The following RASGRF2 variants were observed in gnomAD, a reference collection of about 807,000 sequenced individuals.
The protein encoded by RASGRF2 is ras-specific guanine nucleotide-releasing factor 2.
A neutral mutation model predicts 151.0 loss-of-function variants in RASGRF2; 76 were observed. The ratio of observed to expected loss-of-function variants is 0.50; its 90% CI spans 0.42 to 0.61. RASGRF2 has a LOEUF of 0.61. Ranked by LOEUF, RASGRF2 falls within the 20% of genes least tolerant of loss-of-function variation. RASGRF2 has a pLI of 0.00. For missense variants in RASGRF2, 1,148 were observed against 1,564.6 expected (o/e 0.73, Z 4.49); for synonymous variants, 504 against 566.5 (o/e 0.89, Z 1.57).
intron 12 of RASGRF2, among the ~76,000 whole-genome samples, chr5:81,104,844 T>C (rs949180231): frequency 2.0e-5 from 3 of 152,144 alleles, no homozygotes; most frequent in Admixed American, 2.0e-4. Context: ...CTTCTTATGT[T>C]GGGAACAGGA....
chr5:81,127,923 CAAAAAAAAAAAAAAAA>C (rs60196392), intron 17 of RASGRF2, among the ~76,000 whole-genome samples: 1 of 64,882 alleles, frequency 1.5e-5, no homozygotes, highest in South Asian at 5.6e-4. Context: ...GACTCCGTCT[CAAAAAAAAAAAAAAAA>C]AAAAAAAAGA....
At position 81,076,736 on chromosome 5, in the gene RASGRF2, C is replaced by T. The variant is rs2607167; in HGVS notation, c.887+3284C>T. 3.4e-5 allele frequency among the ~76,000 whole-genome samples: 5 copies of T among 145,268 alleles called. No individual in the cohort carries two copies. The East Asian group carries it at 8.1e-4, about 24-fold the overall frequency. On this transcript the variant is annotated intron_variant, in intron 5 of 26. Transcript: ENST00000265080. ...GGCAGATGGGAGGGAAGTGTCGGAG[C>T]TGGAGAAGAGAGAAAGAGGTGTGGA...
At chr5:81,056,531 G>A (rs1287832946) in intron 2 of RASGRF2, among the ~76,000 whole-genome samples, 1 of 152,190 alleles carries the variant, frequency 6.6e-6, no homozygotes, top group Non-Finnish European at 1.5e-5. Context: ...ATTTGCTGAG[G>A]AGTGCTTTAC....
At chr5:81,200,838 A>G (rs1755371393) in intron 18 of RASGRF2, among the ~76,000 whole-genome samples, 1 of 152,170 alleles carries the variant, frequency 6.6e-6, no homozygotes, top group Admixed American at 6.5e-5. Flanking sequence ...GAATAGAAAT[A>G]CATGTATGGA....
At chr5:81,109,675 T>A (rs1752944135) in intron 13 of RASGRF2, among the ~76,000 whole-genome samples, 1 of 152,050 alleles carries the variant, frequency 6.6e-6, no homozygotes, top group African/African-American at 2.4e-5. Flanking sequence ...AAAAAAAAAA[T>A]ACCAACGAAG....
intron 1 of RASGRF2, among the ~76,000 whole-genome samples, chr5:80,992,462 G>C (rs138989940): frequency 6.6e-6 from 1 of 152,238 alleles, no homozygotes; most frequent in African/African-American, 2.4e-5. Context: ...GGTTAATAAA[G>C]TGAAAAATGA....
intron 1 of RASGRF2, among the ~76,000 whole-genome samples, chr5:80,981,219 C>A (rs1748288553): frequency 6.6e-6 from 1 of 151,996 alleles, no homozygotes; most frequent in South Asian, 2.1e-4. Flanking sequence ...TAATTGATAC[C>A]ACAGCACGGG....
rs372012424 is a variant in RASGRF2, at chr5:81,139,463, C to T, written c.2686+12300C>T. ...GTCACCTCCACCTCCCGGATTCAAG[C>T]GATTTGCCCACCTCAGTCTTCCAGA... On this transcript the variant is annotated intron_variant, in intron 17 of 26. Coordinates refer to ENST00000265080, the MANE Select transcript of RASGRF2 (RefSeq NM_006909.3). Among the ~76,000 whole-genome samples the T allele has an allele frequency of 2.0e-3, 296 of 147,688 alleles. 1 individual carries two copies. The highest frequency in any genetic ancestry group is 3.7e-3 in the Non-Finnish European group (252 of 67,402).
intron 26 of RASGRF2, among the ~76,000 whole-genome samples, chr5:81,223,158 T>A (rs1393514435): frequency 6.6e-6 from 1 of 152,238 alleles, no homozygotes. Flanking sequence ...TGTCCTCAAA[T>A]TAATCTATAA....
chr5:81,193,070 C>T (rs1348796975), intron 18 of RASGRF2, among the ~76,000 whole-genome samples: 1 of 152,174 alleles, frequency 6.6e-6, no homozygotes, highest in East Asian at 1.9e-4. Flanking sequence ...TTTAAAACCT[C>T]TGGCCACTGT....
chr5:80,995,379 C>CATATATATATATATATATATATATAT, intron 1 of RASGRF2, among the ~76,000 whole-genome samples: 1 of 132,342 alleles, frequency 7.6e-6, no homozygotes. Context: ...AATGGAATTT[C>CATATATATATATATATATATATATAT]ATATATATAT....
At chr5:81,038,660 C>T (rs1179944846) in intron 1 of RASGRF2, among the ~76,000 whole-genome samples, 1 of 139,154 alleles carries the variant, frequency 7.2e-6, no homozygotes, top group Non-Finnish European at 1.5e-5. Context: ...ACTGCAGTCT[C>T]AAACTCTTGG....
chr5:81,018,712 T>C (rs516660), intron 1 of RASGRF2, among the ~76,000 whole-genome samples: 126,531 of 152,098 alleles, frequency 0.83, 53,167 homozygotes, highest in Middle Eastern at 0.93. Flanking sequence ...GGTAATGAAT[T>C]ATACGGTGAA....
At chr5:81,141,637 G>A (rs528405286) in intron 17 of RASGRF2, among the ~76,000 whole-genome samples, 1 of 152,260 alleles carries the variant, frequency 6.6e-6, no homozygotes, top group African/African-American at 2.4e-5. Flanking sequence ...ATTAACTCTT[G>A]CTTCTGCCTT....
chr5:81,124,377 CA>C (rs780442532), intron 16 of RASGRF2, among the ~76,000 whole-genome samples: 5 of 130,760 alleles, frequency 3.8e-5, no homozygotes, highest in Non-Finnish European at 8.1e-5. Flanking sequence ...TAACGTGAAT[CA>C]AAAGGCTCTT....
chr5:81,178,643 C>T (rs1183281798), intron 17 of RASGRF2, among the ~76,000 whole-genome samples: 2 of 152,118 alleles, frequency 1.3e-5, no homozygotes, highest in African/African-American at 4.8e-5. Context: ...TTGGTAGGAC[C>T]TTAAATGGGA....
chr5:81,081,991 T>C (rs541604981), intron 7 of RASGRF2, among the ~76,000 whole-genome samples: 4 of 152,354 alleles, frequency 2.6e-5, no homozygotes, highest in Admixed American at 2.6e-4. Flanking sequence ...AGATTTTATT[T>C]ATAATGAAAT....
chr5:81,187,767 G>A (rs1430053484), intron 18 of RASGRF2, among the ~76,000 whole-genome samples: 2 of 152,174 alleles, frequency 1.3e-5, no homozygotes, highest in African/African-American at 4.8e-5. Context: ...CAAGGTCTCA[G>A]GGATCAGATT....
At chr5:80,962,319 T>A (rs966921052) in intron 1 of RASGRF2, among the ~76,000 whole-genome samples, 1 of 152,218 alleles carries the variant, frequency 6.6e-6, no homozygotes, top group Non-Finnish European at 1.5e-5. Context: ...ATATAGATAC[T>A]AGAAATATAA....
Sources: gnomAD v4.1 joint callset for allele counts (sites outside exome capture counted in the v4.1 genomes callset) on GRCh38, gnomAD v4.1.1 for gene constraint, MANE v1.5 for transcripts, NCBI Gene and HGNC (gene_info 2026-07-23, HGNC 2026-07-21) for gene names.